DNER: variants seen among roughly 807,000 people sequenced by gnomAD.
DNER encodes delta/notch like EGF repeat containing.
Under a neutral mutation model 78.2 loss-of-function variants are expected in DNER, and 33 were observed. The ratio of observed to expected loss-of-function variants is 0.42; its 90% CI spans 0.32 to 0.56. The LOEUF (loss-of-function observed/expected upper bound fraction) is 0.56. DNER is among the 20% of genes least tolerant of loss of function. The probability of loss-of-function intolerance (pLI) is 0.11; values close to 1 mark genes in which losing one functional copy is unlikely to be tolerated. For missense variants in DNER, 918 were observed against 975.3 expected (o/e 0.94, Z 0.78); for synonymous variants, 417 against 384.8 (o/e 1.08, Z -0.98).
At position 229,710,707 on chromosome 2, in the gene DNER, G is replaced by A. The variant is rs115832662; in HGVS notation, c.276+3441C>T. On this transcript the variant is annotated intron_variant, in intron 1 of 12. Transcript: ENST00000341772. ...AGGACTTTCAGGGCAGTATCAAAATGTGACCTTGGATTAGTCACTCAATCA... is the reference window on the plus strand; with the variant it reads ...AGGACTTTCAGGGCAGTATCAAAATATGACCTTGGATTAGTCACTCAATCA... Among the ~76,000 whole-genome samples the A allele has an allele frequency of 7.9e-3, 1,199 of 152,200 alleles. 18 individuals are homozygous for A. Among genetic ancestry groups the A allele is most frequent in the African/African-American group, 0.027 (1,131 of 41,544 alleles).
intron 12 of DNER, among the ~76,000 whole-genome samples, chr2:229,362,736 G>A (rs1425201790): frequency 6.6e-6 from 1 of 152,210 alleles, no homozygotes; most frequent in East Asian, 1.9e-4. Flanking sequence ...CCATCACAGA[G>A]GCACTAACAG....
At chr2:229,643,374 T>C (rs1158556495) in intron 1 of DNER, among the ~76,000 whole-genome samples, 4 of 152,178 alleles carry the variant, frequency 2.6e-5, no homozygotes, top group African/African-American at 7.2e-5. Context: ...TCAAAGGAGA[T>C]GTTTGTGAAA....
chr2:229,694,460 ACTT>A (rs55941050), intron 1 of DNER, among the ~76,000 whole-genome samples: 128,006 of 151,706 alleles, frequency 0.84, 54,231 homozygotes, highest in East Asian at 0.94. Context: ...AGACTCAATG[ACTT>A]CCGCCTGTGA....
At chr2:229,637,906 C>G (rs1698554528) in intron 1 of DNER, among the ~76,000 whole-genome samples, 1 of 152,130 alleles carries the variant, frequency 6.6e-6, no homozygotes, top group Admixed American at 6.5e-5. Context: ...TGGTTTATTT[C>G]AAAAATTACC....
chr2:229,388,271 C>T lies in DNER; in HGVS notation c.1849G>A (p.Glu617Lys). 6.2e-7 allele frequency: 1 copy of T among 1,606,530 alleles called. No individual in the cohort carries two copies. The highest frequency in any genetic ancestry group is 8.5e-7 in the Non-Finnish European group (1 of 1,176,292). The change falls in exon 11 of 13, where the codon GAG becomes AAG. Residue 617 changes from glutamate (E) to lysine (K), a missense_variant. Coordinates refer to ENST00000341772, the MANE Select transcript of DNER (RefSeq NM_139072.4). Reference sequence around the variant, plus strand: ...GAGCTGCAGAAATACTTACGGATCTCACAGTTTGCTCCCACCCAACCATGC... The same window carrying T: ...GAGCTGCAGAAATACTTACGGATCTTACAGTTTGCTCCCACCCAACCATGC... ...CPHGWVGANCEIHLQWKSGHM... is the reference protein window; with the variant it reads ...CPHGWVGANCKIHLQWKSGHM...
At chr2:229,489,873 T>C (rs995145039) in intron 6 of DNER, among the ~76,000 whole-genome samples, 2 of 152,136 alleles carry the variant, frequency 1.3e-5, no homozygotes, top group African/African-American at 4.8e-5. Flanking sequence ...ACTGATGACC[T>C]TGGAGAAGCA....
intron 8 of DNER, among the ~76,000 whole-genome samples, chr2:229,423,813 A>G (rs1293481871): frequency 6.6e-6 from 1 of 152,216 alleles, no homozygotes; most frequent in East Asian, 1.9e-4. Context: ...TTCCTCAGAT[A>G]GTTTTCTGAC....
chr2:229,463,896 C>T (rs1694751547), intron 7 of DNER, among the ~76,000 whole-genome samples: 1 of 152,168 alleles, frequency 6.6e-6, no homozygotes, highest in Non-Finnish European at 1.5e-5. Flanking sequence ...TTTTTCCTTC[C>T]TGCAAACATT....
At chr2:229,634,198 A>C (rs1362636906) in intron 1 of DNER, among the ~76,000 whole-genome samples, 1 of 152,222 alleles carries the variant, frequency 6.6e-6, no homozygotes, top group Non-Finnish European at 1.5e-5. Flanking sequence ...AAATATGCAT[A>C]TAGAATAAGC....
intron 11 of DNER, among the ~76,000 whole-genome samples, chr2:229,380,711 G>A (rs2106332258): frequency 6.6e-6 from 1 of 152,236 alleles, no homozygotes; most frequent in South Asian, 2.1e-4. Context: ...TGGATCATGA[G>A]GTCAAGAGAT....
At chr2:229,540,489 T>C (rs1333371399) in intron 5 of DNER, among the ~76,000 whole-genome samples, 1 of 152,122 alleles carries the variant, frequency 6.6e-6, no homozygotes, top group African/African-American at 2.4e-5. Context: ...AAAATAGATA[T>C]GAGGCAGACA....
chr2:229,599,073 G>C (rs958381747), intron 1 of DNER, among the ~76,000 whole-genome samples: 1 of 152,072 alleles, frequency 6.6e-6, no homozygotes, highest in Non-Finnish European at 1.5e-5. Context: ...AAGCCCCAGA[G>C]GAGAACTTAC....
chr2:229,629,673 C>T (rs1698401873), intron 1 of DNER, among the ~76,000 whole-genome samples: 1 of 152,190 alleles, frequency 6.6e-6, no homozygotes, highest in Admixed American at 6.5e-5. Flanking sequence ...CAAAAGAAAT[C>T]ACAATTTTGA....
chr2:229,503,488 C>T (rs983010982), intron 6 of DNER, among the ~76,000 whole-genome samples: 5 of 152,158 alleles, frequency 3.3e-5, no homozygotes, highest in East Asian at 1.9e-4. Context: ...ACTATCATCT[C>T]GAAAGAGTCT....
At chr2:229,508,233 G>A (rs1409233824) in intron 6 of DNER, among the ~76,000 whole-genome samples, 1 of 152,160 alleles carries the variant, frequency 6.6e-6, no homozygotes, top group Non-Finnish European at 1.5e-5. Flanking sequence ...GTAGATATTA[G>A]TGCAACACTT....
intron 5 of DNER, among the ~76,000 whole-genome samples, chr2:229,521,007 G>A (rs1359950121): frequency 6.6e-6 from 1 of 152,184 alleles, no homozygotes; most frequent in Non-Finnish European, 1.5e-5. Flanking sequence ...AGTGTACTGG[G>A]GTCATGACTA....
At chr2:229,666,938 C>T (rs1343777095) in intron 1 of DNER, among the ~76,000 whole-genome samples, 2 of 152,216 alleles carry the variant, frequency 1.3e-5, no homozygotes, top group South Asian at 4.1e-4. Flanking sequence ...CTGATGGAAA[C>T]TAACCAAATC....
At chr2:229,488,819 G>A (rs1695333720) in intron 6 of DNER, among the ~76,000 whole-genome samples, 1 of 152,248 alleles carries the variant, frequency 6.6e-6, no homozygotes, top group South Asian at 2.1e-4. Context: ...AAGAGCTGAA[G>A]CCAAATCTCT....
chr2:229,658,551 T>G (rs994157742), intron 1 of DNER, among the ~76,000 whole-genome samples: 1 of 152,216 alleles, frequency 6.6e-6, no homozygotes, highest in African/African-American at 2.4e-5. Context: ...TCCTTCAACA[T>G]GAATTCATTC....
Sources: allele counts gnomAD v4.1 joint callset (sites outside exome capture counted in the v4.1 genomes callset), GRCh38; gene constraint gnomAD v4.1.1; transcripts MANE v1.5; gene names NCBI Gene and HGNC (gene_info 2026-07-23, HGNC 2026-07-21).